Variants in TMEM267 observed in about 807,000 individuals in gnomAD.
TMEM267 encodes the protein transmembrane protein 267.
TMEM267 carries 20 observed loss-of-function variants against 19.3 expected under a neutral mutation model. That is an observed-to-expected ratio of 1.04 (90% CI 0.73 to 1.51). TMEM267 has a LOEUF of 1.51. Ranked by LOEUF, TMEM267 falls within the 40% of genes most tolerant of loss-of-function variation. The pLI, the probability that TMEM267 is intolerant of heterozygous loss-of-function variation, is 0.00. For missense variants in TMEM267, 242 were observed against 261.9 expected, an observed-to-expected ratio of 0.92 and a Z score of 0.52; for synonymous variants, 88 against 90.3, an observed-to-expected ratio of 0.97 and a Z score of 0.15.
intron 2 of TMEM267, among the ~76,000 whole-genome samples, chr5:43,451,055 T>C (rs935190645): frequency 9.9e-5 from 15 of 152,082 alleles, no homozygotes; most frequent in African/African-American, 3.6e-4. Flanking sequence ...GCCAGGATGG[T>C]CTTGATCTTT....
At chr5:43,472,528 G>C (rs6870783) in intron 1 of TMEM267, among the ~76,000 whole-genome samples, 92,912 of 152,022 alleles carry the variant, frequency 0.61, 31,074 homozygotes, top group African/African-American at 0.89. Flanking sequence ...TAGCTAAGAT[G>C]TGGAAGCAAC....
intron 1 of TMEM267, among the ~76,000 whole-genome samples, chr5:43,454,280 A>T (rs890490542): frequency 1.3e-5 from 2 of 148,764 alleles, no homozygotes; most frequent in African/African-American, 5.0e-5. Context: ...CAGAAAGCCC[A>T]CCAACTGCAA....
chr5:43,469,828 G>A (rs115948233), intron 1 of TMEM267, among the ~76,000 whole-genome samples: 207 of 152,256 alleles, frequency 1.4e-3, no homozygotes, highest in African/African-American at 4.7e-3. Context: ...AATTCCTTGC[G>A]GATCTCAAGA....
chr5:43,453,755 T>C lies in TMEM267; in HGVS notation c.215A>G (p.Lys72Arg). 6.2e-7 allele frequency: 1 copy of C among 1,614,172 alleles called. No homozygotes were observed. The highest frequency in any genetic ancestry group is 8.5e-7 in the Non-Finnish European group (1 of 1,179,994). ...MWSWAVVTGI[K>R]KKTDFGEIIL... ...GATTTCTCCAAAGTCAGTCTTCTTC[T>C]TGATTCCAGTGACTACCGCCCATGA... Residue 72 changes from lysine to arginine, a missense_variant, in exon 2 of 3, where the codon AAG becomes AGG. Coordinates refer to ENST00000397080, the MANE Select transcript of TMEM267 (RefSeq NM_022483.5).
chr5:43,447,521 G>A (rs1397620161), intron 2 of TMEM267, among the ~76,000 whole-genome samples: 2 of 152,126 alleles, frequency 1.3e-5, no homozygotes, highest in African/African-American at 4.8e-5. Context: ...CTAATTTGCA[G>A]CGAGATAATC....
rs545116040 is a variant in TMEM267 at position 43,444,506 on chromosome 5, C to G, written c.*1716G>C. ...GCCAGGCTGGTCTCGAACTCCTGACCTCAAGTGACCTGCCTGCCTCGGCCT... is the reference window on the plus strand; with the variant it reads ...GCCAGGCTGGTCTCGAACTCCTGACGTCAAGTGACCTGCCTGCCTCGGCCT... On this transcript the variant is annotated 3_prime_UTR_variant, in exon 3 of 3. Transcript: ENST00000397080. 6.6e-6 allele frequency: 1 copy of G among 152,330 alleles called. No homozygotes were observed. The highest frequency in any genetic ancestry group is 6.5e-5 in the Admixed American group (1 of 15,300). The allele number at this position is 152,330 out of a possible 1,614,324, so 9.4% of individuals were successfully genotyped here.
chr5:43,475,431 A>C (rs531971962), intron 1 of TMEM267, among the ~76,000 whole-genome samples: 1 of 152,258 alleles, frequency 6.6e-6, no homozygotes, highest in Non-Finnish European at 1.5e-5. Flanking sequence ...TGTAGATGAC[A>C]GGTTGATGGG....
intron 2 of TMEM267, among the ~76,000 whole-genome samples, chr5:43,451,116 C>T (rs972274694): frequency 3.3e-5 from 5 of 152,086 alleles, no homozygotes; most frequent in East Asian, 1.9e-4. Context: ...CATAAGCCAC[C>T]GCACCCGGCC....
At chr5:43,470,046 A>G (rs1743969689) in intron 1 of TMEM267, among the ~76,000 whole-genome samples, 1 of 152,222 alleles carries the variant, frequency 6.6e-6, no homozygotes, top group African/African-American at 2.4e-5. Flanking sequence ...CCAGGACTCA[A>G]AATAATGCAA....
At chr5:43,472,150 C>T (rs947130980) in intron 1 of TMEM267, among the ~76,000 whole-genome samples, 1 of 152,116 alleles carries the variant, frequency 6.6e-6, no homozygotes, top group Non-Finnish European at 1.5e-5. Flanking sequence ...AGACATTTCT[C>T]AAATGAAGAC....
At chr5:43,472,532 A>G (rs180823762) in intron 1 of TMEM267, among the ~76,000 whole-genome samples, 1 of 152,326 alleles carries the variant, frequency 6.6e-6, no homozygotes, top group East Asian at 1.9e-4. Context: ...TAAGATGTGG[A>G]AGCAACCTAA....
At chr5:43,461,898 C>T (rs1287073551) in intron 1 of TMEM267, among the ~76,000 whole-genome samples, 1 of 152,170 alleles carries the variant, frequency 6.6e-6, no homozygotes, top group Non-Finnish European at 1.5e-5. Flanking sequence ...GCCTGGCTGG[C>T]TTTGCTACTG....
At chr5:43,466,498 G>A (rs1339020654) in intron 1 of TMEM267, among the ~76,000 whole-genome samples, 1 of 152,136 alleles carries the variant, frequency 6.6e-6, no homozygotes, top group Non-Finnish European at 1.5e-5. Flanking sequence ...TATAAGAAAA[G>A]CTAAAGGGAG....
At chr5:43,483,954 T>C (rs1744974116), upstream of TMEM267, 1 of 152,166 alleles carries the variant, frequency 6.6e-6, no homozygotes, top group Non-Finnish European at 1.5e-5. Context: ...GCCGGGATAC[T>C]GGCCAGCTCC....
intron 1 of TMEM267, among the ~76,000 whole-genome samples, chr5:43,465,921 T>C (rs1173661936): frequency 1.3e-5 from 2 of 151,496 alleles, no homozygotes; most frequent in Non-Finnish European, 2.9e-5. Context: ...AACCTGCACA[T>C]TGTGCACATG....
chr5:43,454,141 C>T, intron 1 of TMEM267, 98 bp from the exon 2 acceptor site: 1 of 828,190 alleles, frequency 1.2e-6, no homozygotes, highest in Non-Finnish European at 1.7e-6. Flanking sequence ...AAACATAAAA[C>T]CAAGATGTAA....
intron 1 of TMEM267, among the ~76,000 whole-genome samples, chr5:43,461,791 G>A (rs377076595): frequency 4.6e-5 from 7 of 152,206 alleles, no homozygotes; most frequent in African/African-American, 1.4e-4. Context: ...TCAGGTAGAC[G>A]TCTAAGGTTT....
intron 1 of TMEM267, among the ~76,000 whole-genome samples, chr5:43,466,739 C>A (rs1358441361): frequency 2.0e-5 from 3 of 151,706 alleles, no homozygotes; most frequent in African/African-American, 7.3e-5. Flanking sequence ...ATCTACAAAC[C>A]TCATAATAAC....
chr5:43,448,895 A>G (rs1742415633), intron 2 of TMEM267, among the ~76,000 whole-genome samples: 1 of 151,844 alleles, frequency 6.6e-6, no homozygotes, highest in Non-Finnish European at 1.5e-5. Flanking sequence ...ATATCACACG[A>G]CTCCAAAGTA....
Sources: allele counts gnomAD v4.1 joint callset (sites outside exome capture counted in the v4.1 genomes callset), GRCh38; gene constraint gnomAD v4.1.1; transcripts MANE v1.5; gene names NCBI Gene and HGNC (gene_info 2026-07-23, HGNC 2026-07-21).